SCN9A: variants seen among roughly 807,000 people sequenced by gnomAD.
SCN9A encodes sodium channel protein type 9 subunit alpha.
A neutral mutation model predicts 187.0 loss-of-function variants in SCN9A; 131 were observed. The observed-to-expected ratio is 0.70, with a 90% CI of 0.61 to 0.81. The LOEUF is 0.81. SCN9A is among the 30% of genes least tolerant of loss of function. The probability of loss-of-function intolerance (pLI) is 0.00; values close to 1 mark genes in which losing one functional copy is unlikely to be tolerated. For missense variants in SCN9A, 2,252 were observed against 2,396.6 expected, an observed-to-expected ratio of 0.94 and a Z score of 1.26; for synonymous variants, 809 against 808.6, an observed-to-expected ratio of 1.00 and a Z score of -0.01.
Position 166,238,209 on chromosome 2 carries a change from G to T in SCN9A, c.3686C>A (p.Ala1229Glu). The change falls in exon 20 of 27, where the codon GCA (alanine) becomes GAA (glutamate). Residue 1229 changes from alanine to glutamate, a missense_variant. By Grantham distance (107) the Ala-to-Glu change is moderately radical (BLOSUM62 -1). Around this residue, in one of 7 missense-constraint regions of SCN9A, gnomAD observed 313 missense variants for 295.3 expected, o/e 1.06. Coordinates refer to ENST00000642356, the MANE Select transcript of SCN9A (RefSeq NM_001365536.1). ...KKTIKIILEYADKIFTYIFIL... is the reference protein window; with the variant it reads ...KKTIKIILEYEDKIFTYIFIL... ...GAAGATGTAAGTGAAGATCTTGTCT[G>T]CATACTCCAGGATAATCTTAATGGT... The T allele has an allele frequency of 6.2e-7, 1 of 1,603,044 alleles. No homozygotes were observed. The highest frequency in any genetic ancestry group is 8.5e-7 in the Non-Finnish European group (1 of 1,172,594).
intron 19 of SCN9A, among the ~76,000 whole-genome samples, chr2:166,238,578 T>C (rs1695423392): frequency 6.6e-6 from 1 of 152,198 alleles, no homozygotes; most frequent in African/African-American, 2.4e-5. Context: ...TCTTTCTCCA[T>C]TAAAATTGGA....
Position 166,198,414 on chromosome 2 carries a change from C to A in SCN9A, c.*258G>T, listed in dbSNP as rs1693306950. On this transcript the variant is annotated 3_prime_UTR_variant, in exon 27 of 27. Coordinates refer to ENST00000642356, the MANE Select transcript of SCN9A (RefSeq NM_001365536.1). ...ACATGGTCTTCTGATTTATTAAAAACCAAAAAACTGAATCACTTTTGTATG... is the reference window on the plus strand; with the variant it reads ...ACATGGTCTTCTGATTTATTAAAAAACAAAAAACTGAATCACTTTTGTATG... 1 of 277,200 alleles carries A rather than the reference C, an allele frequency of 3.6e-6. No individual in the cohort carries two copies. The highest frequency in any genetic ancestry group is 6.2e-6 in the Non-Finnish European group (1 of 161,954). The allele number at this position is 277,200 out of a possible 1,614,324, so 17.2% of individuals were successfully genotyped here. A position where few individuals can be genotyped will look rare whatever the true frequency, so the allele number is the denominator to read the frequency against.
chr2:166,318,809 A>G (rs1002520084), intron 1 of SCN9A, among the ~76,000 whole-genome samples: 1 of 152,156 alleles, frequency 6.6e-6, no homozygotes, highest in Non-Finnish European at 1.5e-5. Flanking sequence ...GAAAATATGT[A>G]TATGTAAAAA....
At chr2:166,223,882 T>A (rs1358693120) in intron 24 of SCN9A, among the ~76,000 whole-genome samples, 1 of 152,170 alleles carries the variant, frequency 6.6e-6, no homozygotes, top group Non-Finnish European at 1.5e-5. Flanking sequence ...TTGGTCATGT[T>A]TTTTCAGGGA....
At chr2:166,288,684 T>A (rs1198768402) in intron 9 of SCN9A, 41 bp from the exon 10 acceptor site, 8 of 1,465,186 alleles carry the variant, frequency 5.5e-6, no homozygotes, top group African/African-American at 2.8e-5. Flanking sequence ...AATAAAAAGT[T>A]TTTTTAGTAA....
At chr2:166,333,519 T>C (rs1699557287) in intron 1 of SCN9A, among the ~76,000 whole-genome samples, 1 of 152,136 alleles carries the variant, frequency 6.6e-6, no homozygotes, top group Non-Finnish European at 1.5e-5. Flanking sequence ...GTCCAGCTTA[T>C]TGAACATGTT....
At chr2:166,305,558 A>G (rs961647378) in intron 5 of SCN9A, among the ~76,000 whole-genome samples, 2 of 152,148 alleles carry the variant, frequency 1.3e-5, no homozygotes, top group African/African-American at 2.4e-5. Flanking sequence ...AGTGCTGAGC[A>G]TGGAGGAAGA....
chr2:166,204,605 A>C, intron 24 of SCN9A, 141 bp from the exon 25 acceptor site: 1 of 471,922 alleles, frequency 2.1e-6, no homozygotes, highest in Non-Finnish European at 3.7e-6. Context: ...TATACATAAA[A>C]TATATCTTAA....
chr2:166,281,100 T>C (rs2106477158), intron 13 of SCN9A, among the ~76,000 whole-genome samples: 1 of 152,200 alleles, frequency 6.6e-6, no homozygotes, highest in Admixed American at 6.5e-5. Context: ...CATTAGCCCA[T>C]TTACTTCTCA....
chr2:166,241,671 T>G (rs1695570514), intron 19 of SCN9A, among the ~76,000 whole-genome samples: 1 of 55,498 alleles, frequency 1.8e-5, no homozygotes, highest in South Asian at 5.2e-4. Context: ...TTTACGTTTC[T>G]GAAATTGCAA....
chr2:166,228,854 T>C lies in SCN9A; in HGVS notation c.4043A>G (p.Tyr1348Cys), dbSNP rs587780456. The change falls in exon 22 of 27, where the codon TAT (tyrosine) becomes TGT (cysteine). Residue 1348 changes from tyrosine to cysteine, a missense_variant. Physicochemically the swap from Tyr to Cys is radical, Grantham distance 194. This residue lies in a region of SCN9A where 368 missense variants were observed against 408.6 expected (regional missense o/e 0.90). Transcript: ENST00000642356. ...MGVNLFAGKF[Y>C]ECINTTDGSR... is the part of the protein sequence containing the mutation. ...CCCATCTGTGGTGTTAATACACTCA[T>C]AGAACTTGCCAGCAAACAAATTTAC... 10 of 1,613,800 alleles carry C rather than the reference T, an allele frequency of 6.2e-6. No individual in the cohort carries two copies. In the Admixed American group the frequency reaches 1.2e-4, roughly 19 times the overall value.
intron 7 of SCN9A, chr2:166,298,610 A>G (rs1204665386): frequency 1.3e-5 from 2 of 151,994 alleles, no homozygotes; most frequent in African/African-American, 4.8e-5. Flanking sequence ...TAATTCCTTG[A>G]TCTTTTAAAT....
intron 16 of SCN9A, among the ~76,000 whole-genome samples, chr2:166,274,238 GTC>G (rs1198896637): frequency 6.6e-6 from 1 of 151,994 alleles, no homozygotes; most frequent in Non-Finnish European, 1.5e-5. Flanking sequence ...AAAATCATAA[GTC>G]TCTAATATTT....
chr2:166,361,451 A>C (rs6432909), intron 1 of SCN9A, among the ~76,000 whole-genome samples: 45,619 of 151,956 alleles, frequency 0.3, 9,290 homozygotes, highest in African/African-American at 0.58. Flanking sequence ...AATATATGCC[A>C]CACACAGCCA....
chr2:166,290,651 G>A (rs767691527), intron 9 of SCN9A, among the ~76,000 whole-genome samples: 9 of 152,038 alleles, frequency 5.9e-5, no homozygotes, highest in South Asian at 4.2e-4. Flanking sequence ...TTTGATTTGC[G>A]TTTCTTAATG....
chr2:166,208,463 C>A lies in SCN9A; in HGVS notation c.4399-3999G>T, dbSNP rs148725887. 7.1e-3 allele frequency among the ~76,000 whole-genome samples: 1,087 copies of A among 152,162 alleles called. 13 individuals are homozygous for A. Among genetic ancestry groups the A allele is most frequent in the South Asian group, 0.052 (250 of 4,816 alleles). On this transcript the variant is annotated intron_variant, in intron 24 of 26. Transcript: ENST00000642356. ...ATTACTGTTGGTGCTATTAAACTTC[C>A]TGATAAGATGAGAGTTAATGAAATG...
intron 11 of SCN9A, 143 bp downstream of exon 11, chr2:166,286,193 T>C: frequency 2.7e-6 from 2 of 731,558 alleles, no homozygotes. Context: ...TTTCCATAAA[T>C]GCCTAGCGAT....
chr2:166,311,831 A>C, intron 1 of SCN9A, 25 bp from the exon 2 acceptor site: 1 of 1,415,458 alleles, frequency 7.1e-7, no homozygotes, highest in Non-Finnish European at 9.4e-7. Flanking sequence ...AGAAATAAAG[A>C]CTTAACTATT....
At chr2:166,359,026 C>A (rs1174648002) in intron 1 of SCN9A, among the ~76,000 whole-genome samples, 2 of 152,130 alleles carry the variant, frequency 1.3e-5, no homozygotes, top group Non-Finnish European at 2.9e-5. Flanking sequence ...TTTCTTTCAA[C>A]CTATTTAAGA....
Sources: gnomAD v4.1 joint callset for allele counts (sites outside exome capture counted in the v4.1 genomes callset) on GRCh38, gnomAD v4.1.1 for gene constraint, gnomAD v4.1.1 regional missense constraint, MANE v1.5 for transcripts, NCBI Gene and HGNC (gene_info 2026-07-23, HGNC 2026-07-21) for gene names.